Variants in SLC25A13 observed in about 807,000 individuals in gnomAD.
SLC25A13 encodes solute carrier family 25 member 13.
A neutral mutation model predicts 85.5 loss-of-function variants in SLC25A13; 70 were observed. The observed-to-expected ratio is 0.82, with a 90% CI of 0.68 to 1.00. The LOEUF is 1.00. Ranked by LOEUF, SLC25A13 falls within the 50% of genes least tolerant of loss-of-function variation. SLC25A13 has a pLI of 0.00. For synonymous variants in SLC25A13, 259 were observed against 288.7 expected, an observed-to-expected ratio of 0.90 and a Z score of 1.04; for missense variants, 765 against 819.8, an observed-to-expected ratio of 0.93 and a Z score of 0.82.
intron 3 of SLC25A13, among the ~76,000 whole-genome samples, chr7:96,268,306 C>G (rs1798111113): frequency 6.6e-6 from 1 of 152,168 alleles, no homozygotes; most frequent in Admixed American, 6.5e-5. Flanking sequence ...GTTGTATGAA[C>G]AATGTATAAA....
chr7:96,255,750 A>G (rs1797609460), intron 3 of SLC25A13, among the ~76,000 whole-genome samples: 1 of 152,134 alleles, frequency 6.6e-6, no homozygotes. Flanking sequence ...GACAACTCAA[A>G]AGAAGGAAAC....
intron 4 of SLC25A13, among the ~76,000 whole-genome samples, chr7:96,216,023 C>A (rs562881406): frequency 4.6e-5 from 7 of 151,886 alleles, no homozygotes; most frequent in Non-Finnish European, 8.8e-5. Context: ...GGCATGGTGG[C>A]ACGTGCCTGT....
intron 4 of SLC25A13, among the ~76,000 whole-genome samples, chr7:96,212,610 A>AAGGTTCATTG (rs1163850731): frequency 1.3e-5 from 2 of 152,186 alleles, no homozygotes; most frequent in African/African-American, 2.4e-5. Context: ...GGCATGAAGA[A>AAGGTTCATTG]AGGTTCATTT....
intron 13 of SLC25A13, among the ~76,000 whole-genome samples, chr7:96,164,620 A>G (rs1793661635): frequency 6.6e-6 from 1 of 152,056 alleles, no homozygotes; most frequent in African/African-American, 2.4e-5. Context: ...ACCGACTAAA[A>G]GCCCATGTTC....
At chr7:96,288,930 G>A (rs1031790957) in intron 2 of SLC25A13, among the ~76,000 whole-genome samples, 1 of 152,172 alleles carries the variant, frequency 6.6e-6, no homozygotes, top group African/African-American at 2.4e-5. Flanking sequence ...CCCAGCACAG[G>A]GTTTGAGATC....
intron 1 of SLC25A13, among the ~76,000 whole-genome samples, chr7:96,301,053 AT>A (rs1799531033): frequency 1.3e-5 from 2 of 152,250 alleles, no homozygotes; most frequent in Non-Finnish European, 2.9e-5. Flanking sequence ...ATTTCAATGA[AT>A]TCTACCTGGT....
intron 5 of SLC25A13, among the ~76,000 whole-genome samples, chr7:96,206,952 T>C (rs1474358270): frequency 6.6e-6 from 1 of 152,186 alleles, no homozygotes; most frequent in Non-Finnish European, 1.5e-5. Context: ...TAGGCTGTGT[T>C]CCATAAAGTC....
chr7:96,243,715 G>T (rs982839531), intron 3 of SLC25A13, among the ~76,000 whole-genome samples: 1 of 152,138 alleles, frequency 6.6e-6, no homozygotes, highest in Admixed American at 6.5e-5. Context: ...GCCAGGAAAA[G>T]AGTTGGAGGA....
intron 15 of SLC25A13, among the ~76,000 whole-genome samples, chr7:96,129,526 T>C (rs1002278716): frequency 1.3e-5 from 2 of 152,182 alleles, no homozygotes; most frequent in Non-Finnish European, 2.9e-5. Context: ...TAAAATTTTT[T>C]GGAAAAAATT....
At chr7:96,315,449 T>C (rs893315398) in intron 1 of SLC25A13, among the ~76,000 whole-genome samples, 1 of 152,180 alleles carries the variant, frequency 6.6e-6, no homozygotes, top group African/African-American at 2.4e-5. Flanking sequence ...AGGGAATCAC[T>C]GGCCTAGAGC....
intron 13 of SLC25A13, among the ~76,000 whole-genome samples, chr7:96,152,038 G>C (rs1424450873): frequency 6.6e-6 from 1 of 152,220 alleles, no homozygotes; most frequent in African/African-American, 2.4e-5. Context: ...TTGGAGTCAT[G>C]CAGCTAGGAA....
chr7:96,195,681 ACC>A lies in SLC25A13; in HGVS notation c.469-2500_469-2499del, dbSNP rs1554350764. On this transcript the variant is annotated intron_variant, in intron 5 of 17. Transcript: ENST00000265631. Reference sequence around the variant, plus strand: ...GCCTCATCTCCTATCACCCATGCCCACCCCTGCCAGACCTGCCACACACCTGG... The same window carrying A: ...GCCTCATCTCCTATCACCCATGCCCACCTGCCAGACCTGCCACACACCTGG... Among the ~76,000 whole-genome samples, 9 of 151,708 alleles carry A rather than the reference ACC, an allele frequency of 5.9e-5. No individual in the cohort carries two copies. In the East Asian group the frequency reaches 7.8e-4, roughly 13 times the overall value.
intron 3 of SLC25A13, among the ~76,000 whole-genome samples, chr7:96,276,012 G>C (rs1798436416): frequency 6.6e-6 from 1 of 152,186 alleles, no homozygotes; most frequent in African/African-American, 2.4e-5. Context: ...GGGAAAATCA[G>C]ACACATGAAG....
intron 13 of SLC25A13, among the ~76,000 whole-genome samples, chr7:96,155,382 A>G (rs1793220644): frequency 1.3e-5 from 2 of 151,766 alleles, no homozygotes; most frequent in Admixed American, 6.6e-5. Context: ...AACCCCAATT[A>G]TTTTTTCCTC....
intron 2 of SLC25A13, among the ~76,000 whole-genome samples, chr7:96,282,213 C>T (rs1798710635): frequency 6.6e-6 from 1 of 151,966 alleles, no homozygotes; most frequent in Non-Finnish European, 1.5e-5. Flanking sequence ...CAAGAAATAC[C>T]ACCATACTCA....
intron 3 of SLC25A13, among the ~76,000 whole-genome samples, chr7:96,244,078 G>A (rs2116845865): frequency 6.6e-6 from 1 of 152,298 alleles, no homozygotes; most frequent in South Asian, 2.1e-4. Flanking sequence ...GAACCAAGGA[G>A]CAGTCAAATC....
rs145397219 is a variant in SLC25A13 at position 96,122,214 on chromosome 7, C to T, written c.1592-217G>A. Among the ~76,000 whole-genome samples, 42 of 152,290 alleles carry T rather than the reference C, an allele frequency of 2.8e-4. No homozygotes were observed. In the East Asian group the frequency reaches 5.4e-3, roughly 20 times the overall value. On this transcript the variant is annotated intron_variant, in intron 15 of 17. Coordinates refer to ENST00000265631, the MANE Select transcript of SLC25A13 (RefSeq NM_014251.3). ...CACCAGACTCACACCTTCCCTTGCC[C>T]AAATCACTCAGCCTTCATTTCCTTT...
intron 3 of SLC25A13, among the ~76,000 whole-genome samples, chr7:96,238,234 A>ACGCTT (rs1796816875): frequency 6.6e-6 from 1 of 152,106 alleles, no homozygotes; most frequent in South Asian, 2.1e-4. Flanking sequence ...GATCAGGGTG[A>ACGCTT]CGCTTCTTCA....
intron 3 of SLC25A13, among the ~76,000 whole-genome samples, chr7:96,266,356 T>C (rs748748254): frequency 6.6e-6 from 1 of 152,164 alleles, no homozygotes; most frequent in South Asian, 2.1e-4. Context: ...CTCTCCTACA[T>C]TGTCAATCTT....
Sources: allele counts gnomAD v4.1 joint callset (sites outside exome capture counted in the v4.1 genomes callset), GRCh38; gene constraint gnomAD v4.1.1; transcripts MANE v1.5; gene names NCBI Gene and HGNC (gene_info 2026-07-23, HGNC 2026-07-21).